The following TM4SF20 variants were observed in gnomAD, a reference collection of about 807,000 sequenced individuals.
TM4SF20 encodes transmembrane 4 L six family member 20, also known as transmembrane 4 L6 family member 20.
Under a neutral mutation model 15.1 loss-of-function variants are expected in TM4SF20, and 13 were observed. The ratio of observed to expected loss-of-function variants is 0.86; its 90% CI spans 0.56 to 1.36. The LOEUF is 1.36. Ranked by LOEUF, TM4SF20 falls within the 40% of genes most tolerant of loss-of-function variation. The pLI is 0.00. For missense variants in TM4SF20, 282 were observed against 268.4 expected (o/e 1.05, Z -0.35); for synonymous variants, 92 against 96.6 (o/e 0.95, Z 0.28).
chr2:227,366,269 G>A lies in TM4SF20; in HGVS notation c.250-25C>T, dbSNP rs201043346. On this transcript the variant is annotated intron_variant, in intron 2 of 3. Transcript: ENST00000304568. ...TCTGAAAAATAAAATAGAGCCATTT[G>A]CACATGTTATGACATGTTCTTGATC... 2,074 of 1,604,142 alleles carry A rather than the reference G, an allele frequency of 1.3e-3. 5 individuals carry two copies. Among genetic ancestry groups the A allele is most frequent in the Non-Finnish European group, 1.6e-3 (1,831 of 1,174,924 alleles).
At chr2:227,366,363 A>G (rs1481749006) in intron 2 of TM4SF20, 119 bp from the exon 3 acceptor site, 3 of 789,588 alleles carry the variant, frequency 3.8e-6, no homozygotes, top group Non-Finnish European at 6.0e-6. Flanking sequence ...GGATCTTAAG[A>G]TCACAGTTTA....
At chr2:227,372,669 C>T (rs2076426952) in intron 1 of TM4SF20, among the ~76,000 whole-genome samples, 1 of 152,022 alleles carries the variant, frequency 6.6e-6, no homozygotes, top group Admixed American at 6.6e-5. Context: ...ACAAAAAAAG[C>T]TAGTCATTTG....
intron 1 of TM4SF20, among the ~76,000 whole-genome samples, chr2:227,376,447 T>C (rs985222809): frequency 6.6e-6 from 1 of 152,224 alleles, no homozygotes; most frequent in Non-Finnish European, 1.5e-5. Flanking sequence ...TCTGAGCCCT[T>C]TTTACCACCC....
At chr2:227,364,113 G>T in intron 3 of TM4SF20, 101 bp from the exon 4 acceptor site, 2 of 1,190,826 alleles carry the variant, frequency 1.7e-6, no homozygotes, top group Non-Finnish European at 2.3e-6. Context: ...ATGTACTTTT[G>T]AAATATCGTG....
intron 3 of TM4SF20, among the ~76,000 whole-genome samples, chr2:227,364,252 C>T (rs986974940): frequency 6.6e-6 from 1 of 152,122 alleles, no homozygotes; most frequent in Admixed American, 6.6e-5. Context: ...TTAGGTTGAA[C>T]GGTATGAAAC....
chr2:227,368,173 G>A (rs62190920), intron 2 of TM4SF20, among the ~76,000 whole-genome samples: 16 of 149,624 alleles, frequency 1.1e-4, no homozygotes, highest in African/African-American at 3.7e-4. Flanking sequence ...ACAGGCACCC[G>A]CCACCACGCC....
chr2:227,379,463 G>T, upstream of TM4SF20: 1 of 472,754 alleles, frequency 2.1e-6, no homozygotes, highest in Non-Finnish European at 3.6e-6. Flanking sequence ...ATATTATGAT[G>T]AGGTGAAGGA....
In TM4SF20 at chr2:227,366,125, A is replaced by G. The variant is rs771361777; in HGVS notation, c.369T>C (p.Asn123=). The G allele has an allele frequency of 6.2e-7, 1 of 1,613,510 alleles. No individual in the cohort carries two copies. Among genetic ancestry groups the G allele is most frequent in the Non-Finnish European group, 8.5e-7 (1 of 1,179,842 alleles). ...TTTTCAATGAAAATTCACAATTGGC[A>G]TTACTGTTGCTTGGAGAATTACACA... The part of the protein sequence containing the change: ...PLMCNSPSNS[N]ANCEFSLKNI... Residue 123 remains asparagine, a synonymous_variant, in exon 3 of 4, where the codon AAT becomes AAC. Coordinates refer to ENST00000304568, the MANE Select transcript of TM4SF20 (RefSeq NM_024795.4).
intron 3 of TM4SF20, among the ~76,000 whole-genome samples, chr2:227,364,646 A>C (rs1302150454): frequency 1.3e-5 from 2 of 152,214 alleles, no homozygotes; most frequent in Non-Finnish European, 2.9e-5. Flanking sequence ...CTGACATTCA[A>C]CCTGGGAAAA....
rs2076463797 is a variant in TM4SF20, at chr2:227,378,762, G to A, written c.183+324C>T. On this transcript the variant is annotated intron_variant, in intron 1 of 3. Transcript: ENST00000304568. ...TGGTATGGAGCAATGGAAAGTTGAA[G>A]GAATTAATTCAGAAGGTCCCTAACT... 2.0e-5 allele frequency among the ~76,000 whole-genome samples: 3 copies of A among 152,278 alleles called. No homozygotes were observed. In the South Asian group the frequency reaches 6.2e-4, roughly 32 times the overall value.
rs79866106 is a variant in TM4SF20 at position 227,374,088 on chromosome 2, TA to T, written c.184-3109del. Among the ~76,000 whole-genome samples the T allele has an allele frequency of 1.3e-3, 107 of 85,302 alleles. 1 individual carries two copies. The highest frequency in any genetic ancestry group is 7.0e-3 in the Middle Eastern group (1 of 142). The allele number at this position is 85,302 out of a possible 152,430, so 56.0% of individuals were successfully genotyped here. On this transcript the variant is annotated intron_variant, in intron 1 of 3. Coordinates refer to ENST00000304568, the MANE Select transcript of TM4SF20 (RefSeq NM_024795.4). Reference sequence around the variant, plus strand: ...CTAGATGACAAAGTGAGACCCTGTCTAAAAAAAAAAAAAAAAAAAAAAAAGT... The same window carrying T: ...CTAGATGACAAAGTGAGACCCTGTCTAAAAAAAAAAAAAAAAAAAAAAAGT...
intron 2 of TM4SF20, among the ~76,000 whole-genome samples, chr2:227,368,199 AT>A: frequency 6.8e-6 from 1 of 147,508 alleles, no homozygotes; most frequent in Admixed American, 6.7e-5. Context: ...AATTTTTTGT[AT>A]TTTTAGTAGA....
At chr2:227,369,799 TCTAC>T (rs1299261073) in intron 2 of TM4SF20, among the ~76,000 whole-genome samples, 1 of 152,194 alleles carries the variant, frequency 6.6e-6, no homozygotes, top group Non-Finnish European at 1.5e-5. Flanking sequence ...TTGCTGTCAA[TCTAC>T]CCCTTCCACA....
chr2:227,364,934 A>G (rs2076384545), intron 3 of TM4SF20, among the ~76,000 whole-genome samples: 1 of 152,210 alleles, frequency 6.6e-6, no homozygotes, highest in East Asian at 1.9e-4. Flanking sequence ...TTTTTGAGAC[A>G]CAGTCTCACT....
chr2:227,366,716 C>CAAAAAAAAAAAAA lies in TM4SF20; in HGVS notation c.250-485_250-473dup, dbSNP rs59401554. Among the ~76,000 whole-genome samples, 34 of 68,218 alleles carry CAAAAAAAAAAAAA rather than the reference C, an allele frequency of 5.0e-4. 3 individuals carry two copies. The highest frequency in any genetic ancestry group is 1.7e-3 in the East Asian group (3 of 1,734). The allele number at this position is 68,218 out of a possible 152,430, so 44.8% of individuals were successfully genotyped here. A position where few individuals can be genotyped will look rare whatever the true frequency, so the allele number is the denominator to read the frequency against. On this transcript the variant is annotated intron_variant, in intron 2 of 3. Transcript: ENST00000304568. ...GCTGGGTGACAGAGCAAGACTCTGT[C>CAAAAAAAAAAAAA]AAAAAAAAAAAAAAAAAAAAAAAAA...
intron 1 of TM4SF20, among the ~76,000 whole-genome samples, chr2:227,375,225 C>T (rs553658219): frequency 2.0e-5 from 3 of 151,856 alleles, no homozygotes; most frequent in East Asian, 2.0e-4. Flanking sequence ...CCATACCTGG[C>T]CAAAAAAAAA....
chr2:227,379,319 C>T (rs2076468807), upstream of TM4SF20: 1 of 1,500,808 alleles, frequency 6.7e-7, no homozygotes, highest in Non-Finnish European at 9.1e-7. Flanking sequence ...TTGCATGGTA[C>T]TATGTTGCCT....
At chr2:227,368,116 C>T (rs768406627) in intron 2 of TM4SF20, among the ~76,000 whole-genome samples, 7 of 149,012 alleles carry the variant, frequency 4.7e-5, no homozygotes, top group South Asian at 2.1e-4. Flanking sequence ...CTCCGCCTCC[C>T]GGGTTCACGC....
At chr2:227,372,145 T>C (rs2076423919) in intron 1 of TM4SF20, among the ~76,000 whole-genome samples, 1 of 152,198 alleles carries the variant, frequency 6.6e-6, no homozygotes, top group African/African-American at 2.4e-5. Flanking sequence ...CCTTCTACTC[T>C]CATTCTCTAA....
Sources: allele counts gnomAD v4.1 joint callset (sites outside exome capture counted in the v4.1 genomes callset), GRCh38; gene constraint gnomAD v4.1.1; transcripts MANE v1.5; gene names NCBI Gene and HGNC (gene_info 2026-07-23, HGNC 2026-07-21).